Variants in DCLK2 observed in about 807,000 individuals in gnomAD.
The protein encoded by DCLK2 is doublecortin like kinase 2, also known as serine/threonine-protein kinase DCLK2.
DCLK2 carries 31 observed loss-of-function variants against 78.4 expected under a neutral mutation model. The observed-to-expected ratio is 0.40, with a 90% CI of 0.30 to 0.53. The LOEUF is 0.53. Ranked by LOEUF, DCLK2 falls within the 20% of genes least tolerant of loss-of-function variation. The pLI is 0.61. For missense variants in DCLK2, 872 were observed against 973.7 expected (o/e 0.90, Z 1.39); for synonymous variants, 407 against 374.9 (o/e 1.09, Z -0.99).
chr4:150,197,704 G>T (rs1394798858), intron 3 of DCLK2, among the ~76,000 whole-genome samples: 2 of 151,626 alleles, frequency 1.3e-5, no homozygotes, highest in African/African-American at 4.8e-5. Flanking sequence ...GCAGTGAGCA[G>T]AATCGCTTGA....
intron 2 of DCLK2, among the ~76,000 whole-genome samples, chr4:150,182,376 C>A (rs1054033790): frequency 1.3e-5 from 2 of 152,050 alleles, no homozygotes; most frequent in African/African-American, 4.8e-5. Flanking sequence ...AAACTTTTAT[C>A]CTAGGGGTAG....
intron 5 of DCLK2, among the ~76,000 whole-genome samples, chr4:150,218,137 C>T (rs541488449): frequency 7.3e-6 from 1 of 136,380 alleles, no homozygotes; most frequent in Non-Finnish European, 1.6e-5. Context: ...AGGCTCAAGG[C>T]TTCAGCCTAG....
rs535824608 is a variant in DCLK2, at chr4:150,107,378, G to GGTTTT, written c.756+4566_756+4567insGTTTT. ...GGTTTGTAGGGTTTTTTTGGTTATT[G>GGTTTT]TTTTTTTTTTTTTTTTTGGAGACAG... On this transcript the variant is annotated intron_variant, in intron 2 of 15. Transcript: ENST00000296550. Among the ~76,000 whole-genome samples the GGTTTT allele has an allele frequency of 1.2e-4, 15 of 125,182 alleles. 1 individual carries two copies. Among genetic ancestry groups the GGTTTT allele is most frequent in the Non-Finnish European group, 1.8e-4 (11 of 61,078 alleles). The allele number at this position is 125,182 out of a possible 152,430, so 82.1% of individuals were successfully genotyped here. A position where few individuals can be genotyped will look rare whatever the true frequency, so the allele number is the denominator to read the frequency against.
intron 4 of DCLK2, among the ~76,000 whole-genome samples, chr4:150,201,334 G>A (rs1739435918): frequency 6.6e-6 from 1 of 152,156 alleles, no homozygotes; most frequent in Non-Finnish European, 1.5e-5. Flanking sequence ...GGCAGCAGCG[G>A]AAGTTGCAGG....
chr4:150,131,108 A>G (rs910920724), intron 2 of DCLK2, among the ~76,000 whole-genome samples: 1 of 152,080 alleles, frequency 6.6e-6, no homozygotes, highest in Non-Finnish European at 1.5e-5. Context: ...CTGCAGCGTC[A>G]AACTCCTGGA....
At position 150,190,238 on chromosome 4, in the gene DCLK2, GATAGATAGATA is replaced by G. The variant is rs1560850775; in HGVS notation, c.757-2899_757-2889del. 1.3e-3 allele frequency among the ~76,000 whole-genome samples: 32 copies of G among 24,760 alleles called. No individual in the cohort carries two copies. The East Asian group carries it at 0.043, about 33-fold the overall frequency. The allele number at this position is 24,760 out of a possible 152,430, so 16.2% of individuals were successfully genotyped here. A position where few individuals can be genotyped will look rare whatever the true frequency, so the allele number is the denominator to read the frequency against. ...AGATAGATGGATAGATGGATAGTTA[GATAGATAGATA>G]GATAGATAGATAGATAGATAGATAG... On this transcript the variant is annotated intron_variant, in intron 2 of 15. Transcript: ENST00000296550.
At chr4:150,240,904 T>A (rs1742882774) in intron 12 of DCLK2, among the ~76,000 whole-genome samples, 1 of 152,198 alleles carries the variant, frequency 6.6e-6, no homozygotes, top group Non-Finnish European at 1.5e-5. Flanking sequence ...GTTGGTCCTC[T>A]GAGTTTCCAG....
At chr4:150,118,829 C>T (rs1188949699) in intron 2 of DCLK2, among the ~76,000 whole-genome samples, 1 of 151,948 alleles carries the variant, frequency 6.6e-6, no homozygotes, top group Non-Finnish European at 1.5e-5. Flanking sequence ...ATTTAGAGAC[C>T]AGCCTGGCCA....
chr4:150,216,861 C>T (rs1740761801), intron 5 of DCLK2, among the ~76,000 whole-genome samples: 2 of 152,210 alleles, frequency 1.3e-5, no homozygotes, highest in Middle Eastern at 3.4e-3. Flanking sequence ...CGCCCCCTTG[C>T]CACTGTTAAA....
chr4:150,163,757 T>C (rs1735873943), intron 2 of DCLK2, among the ~76,000 whole-genome samples: 1 of 152,246 alleles, frequency 6.6e-6, no homozygotes, highest in Non-Finnish European at 1.5e-5. Context: ...TTAATTTGTA[T>C]CACATTTTTC....
At chr4:150,251,807 A>G (rs1744175946) in intron 15 of DCLK2, among the ~76,000 whole-genome samples, 1 of 138,594 alleles carries the variant, frequency 7.2e-6, no homozygotes, top group South Asian at 2.4e-4. Flanking sequence ...ATATGGATTG[A>G]GCGTCCACCA....
chr4:150,110,074 A>G (rs552854946), intron 2 of DCLK2, among the ~76,000 whole-genome samples: 37 of 152,370 alleles, frequency 2.4e-4, no homozygotes, highest in African/African-American at 8.7e-4. Flanking sequence ...TTAATGGGAA[A>G]CTGGAGGAAA....
At chr4:150,253,758 C>G in intron 15 of DCLK2, 3 of 985,462 alleles carry the variant, frequency 3.0e-6, no homozygotes, top group Non-Finnish European at 3.6e-6. Flanking sequence ...TACCACACTG[C>G]CTGCCTTTCC....
chr4:150,134,076 C>CTTTTTT (rs768954755), intron 2 of DCLK2, among the ~76,000 whole-genome samples: 136 of 94,840 alleles, frequency 1.4e-3, no homozygotes, highest in Middle Eastern at 7.7e-3. Context: ...CGTATAAACT[C>CTTTTTT]TTTTTTTTTT....
At chr4:150,238,008 C>T (rs1008285323) in intron 10 of DCLK2, among the ~76,000 whole-genome samples, 10 of 152,094 alleles carry the variant, frequency 6.6e-5, no homozygotes, top group Non-Finnish European at 1.3e-4. Context: ...TTGTTTGCTT[C>T]CAAAACTATT....
At chr4:150,219,548 A>G (rs1741015596) in intron 5 of DCLK2, among the ~76,000 whole-genome samples, 1 of 152,142 alleles carries the variant, frequency 6.6e-6, no homozygotes, top group Non-Finnish European at 1.5e-5. Context: ...GGTGTGCACC[A>G]CCGCACCAAG....
intron 8 of DCLK2, among the ~76,000 whole-genome samples, chr4:150,231,063 A>G (rs1742017444): frequency 6.6e-6 from 1 of 152,216 alleles, no homozygotes; most frequent in Admixed American, 6.5e-5. Flanking sequence ...TATAATTTTT[A>G]TTTTGAAGAA....
intron 2 of DCLK2, among the ~76,000 whole-genome samples, chr4:150,124,005 A>C (rs1158104751): frequency 1.3e-5 from 2 of 150,060 alleles, no homozygotes; most frequent in Admixed American, 6.7e-5. Context: ...ACACCACTGC[A>C]CTCCAGCCTG....
chr4:150,165,856 A>G lies in DCLK2; in HGVS notation c.757-27282A>G, dbSNP rs570658948. Among the ~76,000 whole-genome samples, 5 of 152,370 alleles carry G rather than the reference A, an allele frequency of 3.3e-5. No individual in the cohort carries two copies. The South Asian group carries it at 1.0e-3, about 32-fold the overall frequency. On this transcript the variant is annotated intron_variant, in intron 2 of 15. Transcript: ENST00000296550. ...TAAGATCTGATTGGATAATGAGGGC[A>G]GAGCCCTCATGAATGGACTGTCATT...
Sources: gnomAD v4.1 joint callset for allele counts (sites outside exome capture counted in the v4.1 genomes callset) on GRCh38, gnomAD v4.1.1 for gene constraint, MANE v1.5 for transcripts, NCBI Gene and HGNC (gene_info 2026-07-23, HGNC 2026-07-21) for gene names.